The following ITPR2 variants were observed in gnomAD, a reference collection of about 807,000 sequenced individuals.
The protein encoded by ITPR2 is inositol 1,4,5-trisphosphate-gated calcium channel ITPR2.
Under a neutral mutation model 317.1 loss-of-function variants are expected in ITPR2, and 207 were observed. The observed-to-expected ratio is 0.65, with a 90% CI of 0.58 to 0.73. ITPR2 has a LOEUF of 0.73. Among genes scored for constraint, ITPR2 ranks in the 30% least tolerant of loss-of-function variants. The pLI, the probability that ITPR2 is intolerant of heterozygous loss-of-function variation, is 0.00. For synonymous variants in ITPR2, 1,156 were observed against 1,149.1 expected (o/e 1.01, Z -0.12); for missense variants, 2,613 against 3,284.0 (o/e 0.80, Z 4.99).
intron 2 of ITPR2, among the ~76,000 whole-genome samples, chr12:26,767,885 C>T (rs929327416): frequency 9.8e-5 from 15 of 152,296 alleles, no homozygotes; most frequent in East Asian, 1.9e-4. Flanking sequence ...CTTATCAATT[C>T]GATCATTGAC....
intron 21 of ITPR2, among the ~76,000 whole-genome samples, chr12:26,646,347 C>T (rs187475036): frequency 3.3e-5 from 5 of 152,048 alleles, no homozygotes; most frequent in East Asian, 1.9e-4. Flanking sequence ...GTTTCTGCCC[C>T]GCCCCTCTCA....
At chr12:26,699,407 G>A (rs528467473) in intron 9 of ITPR2, among the ~76,000 whole-genome samples, 2 of 152,262 alleles carry the variant, frequency 1.3e-5, no homozygotes, top group South Asian at 4.2e-4. Context: ...AGGAAAGGTG[G>A]CCTAATGCCC....
chr12:26,405,089 G>A (rs1411630912), intron 52 of ITPR2, among the ~76,000 whole-genome samples: 1 of 151,592 alleles, frequency 6.6e-6, no homozygotes, highest in African/African-American at 2.4e-5. Flanking sequence ...AGCCAAGACC[G>A]TGCCATTGCA....
In ITPR2 at chr12:26,829,014, T is replaced by C. The variant is rs180773669; in HGVS notation, c.92+3676A>G. On this transcript the variant is annotated intron_variant, in intron 1 of 56. Transcript: ENST00000381340. ...TTCCTCTTCTCTCTTATATGAATTT[T>C]AAATGTAATTCTTAGAAGAATAGCA... Among the ~76,000 whole-genome samples the C allele has an allele frequency of 3.9e-3, 588 of 152,332 alleles. 5 individuals are homozygous for C. Among genetic ancestry groups the C allele is most frequent in the Non-Finnish European group, 3.5e-3 (239 of 68,028 alleles).
chr12:26,520,238 C>T (rs983064751), intron 37 of ITPR2, among the ~76,000 whole-genome samples: 9 of 152,184 alleles, frequency 5.9e-5, no homozygotes, highest in Non-Finnish European at 1.3e-4. Flanking sequence ...TTATGGATCA[C>T]ATTTCTACTT....
Position 26,481,119 on chromosome 12 carries a change from G to A in ITPR2, c.6123+12C>T, listed in dbSNP as rs759980382. On this transcript the variant is annotated intron_variant, in intron 43 of 56. Coordinates refer to ENST00000381340, the MANE Select transcript of ITPR2 (RefSeq NM_002223.4). ...TGTAGCTTTTCTGGCCTGAACAGTG[G>A]AATCGCTCTACCTTTAGCTGGAGCA... is the stretch of plus-strand genomic sequence containing the variant. 2 of 1,507,070 alleles carry A rather than the reference G, an allele frequency of 1.3e-6. No homozygotes were observed. Among genetic ancestry groups the A allele is most frequent in the East Asian group, 4.5e-5 (2 of 44,362 alleles). The allele number at this position is 1,507,070 out of a possible 1,614,324, so 93.4% of individuals were successfully genotyped here. A position where few individuals can be genotyped will look rare whatever the true frequency, so the allele number is the denominator to read the frequency against.
At chr12:26,493,666 C>T (rs562149165) in intron 39 of ITPR2, among the ~76,000 whole-genome samples, 34 of 152,106 alleles carry the variant, frequency 2.2e-4, no homozygotes, top group Non-Finnish European at 4.7e-4. Flanking sequence ...CAAAATATCA[C>T]ACTGTACCCT....
intron 9 of ITPR2, among the ~76,000 whole-genome samples, chr12:26,710,654 A>C (rs1948629204): frequency 6.6e-6 from 1 of 152,232 alleles, no homozygotes; most frequent in African/African-American, 2.4e-5. Flanking sequence ...TCTGTCTGTC[A>C]ACATACTTTT....
At chr12:26,438,496 A>C (rs1271462392) in intron 47 of ITPR2, among the ~76,000 whole-genome samples, 1 of 152,216 alleles carries the variant, frequency 6.6e-6, no homozygotes, top group African/African-American at 2.4e-5. Flanking sequence ...TGGAAAATAA[A>C]GTTTATTTAA....
At chr12:26,451,365 T>TCA (rs57642539) in intron 45 of ITPR2, among the ~76,000 whole-genome samples, 1,427 of 136,378 alleles carry the variant, frequency 0.01, 25 homozygotes, top group African/African-American at 0.033. Context: ...TTCTCTCATA[T>TCA]CACACACACA....
In ITPR2 at chr12:26,595,560, G is replaced by T; in HGVS notation, c.4285C>A (p.His1429Asn). Residue 1429 changes from histidine to asparagine, a missense_variant, in exon 32 of 57, where the codon CAC (histidine) becomes AAC (asparagine). This residue lies in a region of ITPR2 where 926 missense variants were observed against 1,072.8 expected (regional missense o/e 0.86). Transcript: ENST00000381340. ...TCCACTTCAGTGTCAACATAACAGTGATTAACAAAGTTCACATAAGCAATT... is the reference window on the plus strand; with the variant it reads ...TCCACTTCAGTGTCAACATAACAGTTATTAACAAAGTTCACATAAGCAATT... ...VKIAYVNFVN[H>N]CYVDTEVEMK... is the part of the protein sequence containing the mutation. The T allele has an allele frequency of 6.3e-7, 1 of 1,589,572 alleles. No individual in the cohort carries two copies.
At chr12:26,712,698 G>A (rs1948670493) in intron 8 of ITPR2, among the ~76,000 whole-genome samples, 1 of 151,554 alleles carries the variant, frequency 6.6e-6, no homozygotes, top group African/African-American at 2.4e-5. Flanking sequence ...GTATATAAAT[G>A]CTAAGGTTAA....
intron 46 of ITPR2, among the ~76,000 whole-genome samples, chr12:26,441,344 T>C (rs1941484019): frequency 6.6e-6 from 1 of 152,146 alleles, no homozygotes; most frequent in African/African-American, 2.4e-5. Context: ...AGACAAACTA[T>C]TATTCTCAAT....
At chr12:26,628,573 C>T (rs77991367) in intron 22 of ITPR2, among the ~76,000 whole-genome samples, 7,732 of 152,268 alleles carry the variant, frequency 0.051, 684 homozygotes, top group African/African-American at 0.18. Context: ...AATAGTATGA[C>T]TGTGACTATA....
chr12:26,479,004 A>G (rs1942481636), intron 43 of ITPR2, among the ~76,000 whole-genome samples: 1 of 151,866 alleles, frequency 6.6e-6, no homozygotes, highest in African/African-American at 2.4e-5. Context: ...ATAATTTATT[A>G]TTTAAAGTAC....
chr12:26,683,608 C>T (rs899154883), intron 11 of ITPR2, among the ~76,000 whole-genome samples: 1 of 152,160 alleles, frequency 6.6e-6, no homozygotes, highest in African/African-American at 2.4e-5. Flanking sequence ...ACACATAGAA[C>T]AAGGCTATGT....
At chr12:26,642,679 C>T (rs1024252830) in intron 21 of ITPR2, among the ~76,000 whole-genome samples, 2 of 152,210 alleles carry the variant, frequency 1.3e-5, no homozygotes, top group African/African-American at 4.8e-5. Context: ...GACAAGAGAA[C>T]CAGACTCAGA....
At chr12:26,744,391 C>T (rs549844699) in intron 2 of ITPR2, among the ~76,000 whole-genome samples, 379 of 152,328 alleles carry the variant, frequency 2.5e-3, no homozygotes, top group Non-Finnish European at 4.4e-3. Context: ...TCTGCCTGTT[C>T]CCCAAGATTT....
intron 1 of ITPR2, among the ~76,000 whole-genome samples, chr12:26,815,481 C>A (rs1016769268): frequency 2.4e-4 from 36 of 152,016 alleles, no homozygotes; most frequent in African/African-American, 8.5e-4. Context: ...ATGTTCTAAT[C>A]GGGATGAAAT....
Sources: gnomAD v4.1 joint callset for allele counts (sites outside exome capture counted in the v4.1 genomes callset) on GRCh38, gnomAD v4.1.1 for gene constraint, gnomAD v4.1.1 regional missense constraint, MANE v1.5 for transcripts, NCBI Gene and HGNC (gene_info 2026-07-23, HGNC 2026-07-21) for gene names.